The following DLG2 variants were observed in gnomAD, a reference collection of about 807,000 sequenced individuals.
The protein encoded by DLG2 is disks large homolog 2.
In DLG2, 45 loss-of-function variants were observed where a neutral mutation model predicts 132.5. That is an observed-to-expected ratio of 0.34 (90% CI 0.27 to 0.44). The LOEUF is 0.44. Ranked by LOEUF, DLG2 falls within the 20% of genes least tolerant of loss-of-function variation. DLG2 has a pLI of 1.00. For synonymous variants in DLG2, 424 were observed against 419.6 expected (o/e 1.01, Z -0.13); for missense variants, 1,045 against 1,196.9 (o/e 0.87, Z 1.87).
At chr11:83,539,534 A>G (rs2095997718) in intron 20 of DLG2, among the ~76,000 whole-genome samples, 1 of 152,092 alleles carries the variant, frequency 6.6e-6, no homozygotes, top group African/African-American at 2.4e-5. Context: ...CCTTTCTACA[A>G]TAAAAGGTAT....
intron 4 of DLG2, among the ~76,000 whole-genome samples, chr11:85,231,598 A>T (rs907413161): frequency 6.6e-6 from 1 of 151,852 alleles, no homozygotes; most frequent in Non-Finnish European, 1.5e-5. Context: ...TGATTTCTTA[A>T]AGTAGCTGGC....
At chr11:85,371,581 G>A (rs923935737) in intron 3 of DLG2, among the ~76,000 whole-genome samples, 1 of 152,220 alleles carries the variant, frequency 6.6e-6, no homozygotes, top group African/African-American at 2.4e-5. Context: ...CGTTTGAGGA[G>A]TGAAGCTTGA....
intron 15 of DLG2, among the ~76,000 whole-genome samples, chr11:83,907,634 C>A (rs2075266979): frequency 6.6e-6 from 1 of 152,038 alleles, no homozygotes; most frequent in Non-Finnish European, 1.5e-5. Context: ...CAGGTTTATC[C>A]CAGTGCTGGC....
chr11:84,109,774 A>G (rs2093228949), intron 9 of DLG2, among the ~76,000 whole-genome samples: 1 of 152,138 alleles, frequency 6.6e-6, no homozygotes, highest in Admixed American at 6.6e-5. Context: ...TGTGTTCTGA[A>G]AAGGATTAAA....
intron 19 of DLG2, among the ~76,000 whole-genome samples, chr11:83,623,354 A>T (rs1380960155): frequency 2.0e-5 from 3 of 152,240 alleles, no homozygotes; most frequent in African/African-American, 7.2e-5. Context: ...CCATGACATA[A>T]TTAGGTAAAA....
At chr11:83,786,860 T>C in intron 17 of DLG2, 68 bp from the exon 18 acceptor site, 1 of 1,437,944 alleles carries the variant, frequency 7.0e-7, no homozygotes, top group Non-Finnish European at 9.7e-7. Flanking sequence ...AAGAAAAAAG[T>C]TTCCCAAAAC....
At chr11:85,466,484 G>C (rs1344447901) in intron 3 of DLG2, among the ~76,000 whole-genome samples, 1 of 152,116 alleles carries the variant, frequency 6.6e-6, no homozygotes, top group Non-Finnish European at 1.5e-5. Context: ...ATGAATTTTT[G>C]TATAAGGTGT....
At chr11:84,716,685 G>C (rs1167642654) in intron 6 of DLG2, among the ~76,000 whole-genome samples, 1 of 148,004 alleles carries the variant, frequency 6.8e-6, no homozygotes, top group Non-Finnish European at 1.5e-5. Flanking sequence ...TTGTAGGTGT[G>C]ATGATGGCAT....
At position 84,551,335 on chromosome 11, in the gene DLG2, A is replaced by G. The variant is rs186253011; in HGVS notation, c.358-16604T>C. 2.0e-5 allele frequency among the ~76,000 whole-genome samples: 3 copies of G among 152,328 alleles called. No individual in the cohort carries two copies. In the East Asian group the frequency reaches 5.8e-4, roughly 29 times the overall value. On this transcript the variant is annotated intron_variant, in intron 6 of 27. Coordinates refer to ENST00000376104, the MANE Select transcript of DLG2 (RefSeq NM_001142699.3). ...ACTTGATCTAGATGCTTAATATGCA[A>G]CTTAATGTGCAATTGTAGAATGTTA...
chr11:84,538,387 C>A (rs2099360484), intron 6 of DLG2, among the ~76,000 whole-genome samples: 1 of 152,220 alleles, frequency 6.6e-6, no homozygotes, highest in Non-Finnish European at 1.5e-5. Flanking sequence ...TATCTGCATA[C>A]TTTTCAGGAA....
At chr11:84,934,511 T>TTG (rs2048472337) in intron 6 of DLG2, among the ~76,000 whole-genome samples, 2 of 82,604 alleles carry the variant, frequency 2.4e-5, no homozygotes, top group African/African-American at 1.3e-4. Flanking sequence ...GGTGTTTTTT[T>TTG]TTTGTTTTGT....
chr11:83,984,225 GAT>G (rs57632427), intron 11 of DLG2, among the ~76,000 whole-genome samples: 17,406 of 139,792 alleles, frequency 0.12, 1,386 homozygotes, highest in East Asian at 0.3. Flanking sequence ...TAGATAGATA[GAT>G]AGATAGATAA....
chr11:83,906,079 CTCTATATATATA>C (rs1453467671), intron 15 of DLG2, among the ~76,000 whole-genome samples: 1 of 94,224 alleles, frequency 1.1e-5, no homozygotes, highest in East Asian at 3.5e-4. Context: ...CTCTCTCTCT[CTCTATATATATA>C]TATATATATA....
At chr11:85,425,933 C>T (rs1022106581) in intron 3 of DLG2, among the ~76,000 whole-genome samples, 1 of 152,300 alleles carries the variant, frequency 6.6e-6, no homozygotes, top group East Asian at 1.9e-4. Context: ...CGGGTCACTC[C>T]CACCCTAATA....
chr11:83,620,506 A>C (rs1427311077), intron 19 of DLG2, among the ~76,000 whole-genome samples: 1 of 152,176 alleles, frequency 6.6e-6, no homozygotes, highest in African/African-American at 2.4e-5. Flanking sequence ...TTATTGAGAA[A>C]ATGGCATAAA....
intron 3 of DLG2, among the ~76,000 whole-genome samples, chr11:85,430,634 C>T (rs922037594): frequency 2.6e-5 from 4 of 152,050 alleles, no homozygotes; most frequent in African/African-American, 9.7e-5. Context: ...AAAATATTTG[C>T]TTGGTAGCTC....
chr11:85,014,397 G>A (rs990151475), intron 6 of DLG2, among the ~76,000 whole-genome samples: 2 of 152,088 alleles, frequency 1.3e-5, no homozygotes, highest in African/African-American at 4.8e-5. Context: ...GAAAGAGTAG[G>A]TATTACTTAA....
intron 20 of DLG2, among the ~76,000 whole-genome samples, chr11:83,538,579 G>A (rs564191608): frequency 2.6e-5 from 4 of 152,278 alleles, no homozygotes; most frequent in Admixed American, 1.3e-4. Context: ...TTGGTCAGTG[G>A]CTGGCTGTGT....
At chr11:85,519,880 G>C (rs1429122502) in intron 3 of DLG2, among the ~76,000 whole-genome samples, 1 of 152,066 alleles carries the variant, frequency 6.6e-6, no homozygotes, top group Non-Finnish European at 1.5e-5. Flanking sequence ...CTCTTCTCTT[G>C]TCTGCCACCA....
Sources: gnomAD v4.1 joint callset for allele counts (sites outside exome capture counted in the v4.1 genomes callset) on GRCh38, gnomAD v4.1.1 for gene constraint, MANE v1.5 for transcripts, NCBI Gene and HGNC (gene_info 2026-07-23, HGNC 2026-07-21) for gene names.